Variants in HTR2A observed in about 807,000 individuals in gnomAD.
HTR2A encodes the protein 5-HT2 receptor.
A neutral mutation model predicts 31.0 loss-of-function variants in HTR2A; 14 were observed. The observed-to-expected ratio is 0.45, with a 90% CI of 0.30 to 0.71. HTR2A has a LOEUF of 0.71. Ranked by LOEUF, HTR2A falls within the 30% of genes least tolerant of loss-of-function variation. The pLI is 0.09. For synonymous variants in HTR2A, 209 were observed against 225.2 expected, an observed-to-expected ratio of 0.93 and a Z score of 0.64; for missense variants, 442 against 573.3, an observed-to-expected ratio of 0.77 and a Z score of 2.34.
intron 3 of HTR2A, among the ~76,000 whole-genome samples, chr13:46,869,359 T>C (rs1950846375): frequency 1.3e-5 from 2 of 152,040 alleles, no homozygotes; most frequent in South Asian, 4.1e-4. Context: ...ATTAGGGAAA[T>C]GCAAATCAGA....
At chr13:46,892,662 C>A in intron 2 of HTR2A, 72 bp from the exon 3 acceptor site, 2 of 1,282,458 alleles carry the variant, frequency 1.6e-6, no homozygotes, top group Non-Finnish European at 1.1e-6. Flanking sequence ...TATCCTATGA[C>A]AATTTCCAGC....
chr13:46,852,573 T>C (rs1343863577), intron 3 of HTR2A, among the ~76,000 whole-genome samples: 8 of 152,224 alleles, frequency 5.3e-5, no homozygotes, highest in African/African-American at 1.9e-4. Context: ...CTTCTAAGCT[T>C]TCCTATGATT....
chr13:46,896,594 T>C, intron 1 of HTR2A, 80 bp downstream of exon 1: 1 of 1,050,742 alleles, frequency 9.5e-7, no homozygotes. Flanking sequence ...CTCATTGAAA[T>C]GATTACATGT....
At chr13:46,854,608 C>T (rs1566305818) in intron 3 of HTR2A, among the ~76,000 whole-genome samples, 1 of 152,168 alleles carries the variant, frequency 6.6e-6, no homozygotes, top group Non-Finnish European at 1.5e-5. Context: ...ATCATTATCC[C>T]CAGCCCTGGC....
chr13:46,890,619 T>C (rs1441904219), intron 3 of HTR2A, among the ~76,000 whole-genome samples: 1 of 152,208 alleles, frequency 6.6e-6, no homozygotes, highest in East Asian at 1.9e-4. Context: ...AACTGTTACC[T>C]TACTACTGGT....
rs1167782898 is a variant in HTR2A, at chr13:46,834,722, T to C, written c.*115A>G. On this transcript the variant is annotated 3_prime_UTR_variant, in exon 4 of 4. Transcript: ENST00000542664. The stretch of plus-strand genomic sequence containing the variant: ...CAGAATAAAATGAGGCATACAGATA[T>C]GATCGTTGGTTCCACTAGACTTGTC... The C allele has an allele frequency of 2.0e-5, 15 of 740,420 alleles. No individual in the cohort carries two copies. Among genetic ancestry groups the C allele is most frequent in the Non-Finnish European group, 3.3e-5 (15 of 453,698 alleles). The allele number at this position is 740,420 out of a possible 1,614,324, so 45.9% of individuals were successfully genotyped here. A position where few individuals can be genotyped will look rare whatever the true frequency, so the allele number is the denominator to read the frequency against.
At chr13:46,863,815 G>T (rs1262763183) in intron 3 of HTR2A, among the ~76,000 whole-genome samples, 1 of 151,886 alleles carries the variant, frequency 6.6e-6, no homozygotes, top group Admixed American at 6.6e-5. Context: ...ATATACTGTC[G>T]GTGGGAGTGT....
At chr13:46,844,735 A>T (rs1279947271) in intron 3 of HTR2A, among the ~76,000 whole-genome samples, 2 of 152,234 alleles carry the variant, frequency 1.3e-5, no homozygotes, top group Non-Finnish European at 2.9e-5. Flanking sequence ...TTGGAATCAC[A>T]AGACACAGGT....
intron 3 of HTR2A, among the ~76,000 whole-genome samples, chr13:46,857,153 AGCTGGGGGTGATTGT>A (rs1950744307): frequency 6.6e-6 from 1 of 151,998 alleles, no homozygotes; most frequent in African/African-American, 2.4e-5. Flanking sequence ...CACAAAAATT[AGCTGGGGGTGATTGT>A]GCTCCCCTGC....
chr13:46,892,673 T>A, intron 2 of HTR2A, 83 bp from the exon 3 acceptor site: 1 of 1,197,620 alleles, frequency 8.3e-7, no homozygotes, highest in Non-Finnish European at 1.2e-6. Flanking sequence ...AATTTCCAGC[T>A]CTGGGACAGG....
At chr13:46,877,266 G>A (rs1422533190) in intron 3 of HTR2A, among the ~76,000 whole-genome samples, 5 of 152,118 alleles carry the variant, frequency 3.3e-5, no homozygotes, top group Admixed American at 6.5e-5. Context: ...ATTCTTGCAC[G>A]CTTTCCAAAG....
intron 3 of HTR2A, among the ~76,000 whole-genome samples, chr13:46,871,915 A>C (rs952261547): frequency 2.0e-5 from 3 of 152,240 alleles, no homozygotes; most frequent in Non-Finnish European, 4.4e-5. Context: ...TTCTAGACAT[A>C]TCCTGCATAA....
At chr13:46,891,766 T>G (rs1415082501) in intron 3 of HTR2A, among the ~76,000 whole-genome samples, 6 of 152,202 alleles carry the variant, frequency 3.9e-5, no homozygotes, top group African/African-American at 1.4e-4. Context: ...TTTCTGACTA[T>G]TAGGTGTGTG....
intron 3 of HTR2A, among the ~76,000 whole-genome samples, chr13:46,891,785 T>A (rs1224157675): frequency 1.3e-5 from 2 of 152,194 alleles, no homozygotes; most frequent in Admixed American, 1.3e-4. Flanking sequence ...TGACAGAAGA[T>A]CAATACTGGC....
In HTR2A at chr13:46,835,430, G is replaced by T. The variant is rs762338994; in HGVS notation, c.823C>A (p.Arg275=). The change falls in exon 4 of 4, where the codon CGG becomes AGG. Residue 275 remains arginine, a synonymous_variant. Transcript: ENST00000542664. ...ATLCVSDLGT[R]AKLASFSFLP... ...AAGCTGAAAGAAGCTAATTTGGCCC[G>T]TGTGCCAAGATCACTTACACACAAA... 18 of 1,613,900 alleles carry T rather than the reference G, an allele frequency of 1.1e-5. No individual in the cohort carries two copies. In the African/African-American group the frequency reaches 2.0e-4, roughly 18 times the overall value.
chr13:46,844,676 G>A (rs1950627251), intron 3 of HTR2A, among the ~76,000 whole-genome samples: 1 of 152,158 alleles, frequency 6.6e-6, no homozygotes, highest in South Asian at 2.1e-4. Context: ...AATTAAACAA[G>A]TATGTATCAG....
At chr13:46,864,174 C>T (rs185820444) in intron 3 of HTR2A, among the ~76,000 whole-genome samples, 23 of 152,150 alleles carry the variant, frequency 1.5e-4, no homozygotes, top group African/African-American at 4.8e-4. Flanking sequence ...CACATGTTCT[C>T]ACATATAAGT....
chr13:46,842,084 C>T (rs1413136162), intron 3 of HTR2A, among the ~76,000 whole-genome samples: 2 of 152,040 alleles, frequency 1.3e-5, no homozygotes, highest in Non-Finnish European at 2.9e-5. Context: ...ATCAATGATA[C>T]AATTATGATT....
At chr13:46,882,746 T>C (rs1323855730) in intron 3 of HTR2A, among the ~76,000 whole-genome samples, 2 of 152,246 alleles carry the variant, frequency 1.3e-5, no homozygotes, top group African/African-American at 2.4e-5. Flanking sequence ...TCAAATTATG[T>C]TGAAAACTTA....
Sources: gnomAD v4.1 joint callset for allele counts (sites outside exome capture counted in the v4.1 genomes callset) on GRCh38, gnomAD v4.1.1 for gene constraint, MANE v1.5 for transcripts, NCBI Gene and HGNC (gene_info 2026-07-23, HGNC 2026-07-21) for gene names.